Variants in GET1 observed in about 807,000 individuals in gnomAD.
GET1 encodes the protein guided entry of tail-anchored proteins factor 1.
GET1 carries 20 observed loss-of-function variants against 22.6 expected under a neutral mutation model. The observed-to-expected ratio is 0.89, with a 90% CI of 0.62 to 1.29. The LOEUF (loss-of-function observed/expected upper bound fraction) is 1.29. Among genes scored for constraint, GET1 ranks in the 50% most tolerant of loss-of-function variants. The probability of loss-of-function intolerance (pLI) is 0.00; values close to 1 mark genes in which losing one functional copy is unlikely to be tolerated. For synonymous variants in GET1, 92 were observed against 83.8 expected (o/e 1.10, Z -0.53); for missense variants, 209 against 219.9 (o/e 0.95, Z 0.31).
At chr21:39,421,073 C>T (rs1045569603) in intron 1 of GET1, among the ~76,000 whole-genome samples, 2 of 150,802 alleles carry the variant, frequency 1.3e-5, no homozygotes, top group Non-Finnish European at 3.0e-5. Flanking sequence ...CTGTTTTTTA[C>T]ATACTCTAAA....
chr21:39,385,681 C>A (rs1006465834), intron 1 of GET1, among the ~76,000 whole-genome samples: 4 of 152,150 alleles, frequency 2.6e-5, no homozygotes, highest in African/African-American at 4.8e-5. Flanking sequence ...TCCATGCGAA[C>A]GGCACTACTA....
At chr21:39,391,747 T>C in intron 2 of GET1, 22 bp from the exon 3 acceptor site, 2 of 1,612,446 alleles carry the variant, frequency 1.2e-6, no homozygotes, top group Non-Finnish European at 1.7e-6. Flanking sequence ...GACATAATTA[T>C]TTATCCTGTT....
intron 1 of GET1, among the ~76,000 whole-genome samples, chr21:39,426,335 A>T (rs1442824162): frequency 6.6e-6 from 1 of 152,198 alleles, no homozygotes; most frequent in Non-Finnish European, 1.5e-5. Context: ...ATTATAAGGT[A>T]CTTAGAATTC....
At chr21:39,388,951 C>T (rs2038110450) in intron 1 of GET1, among the ~76,000 whole-genome samples, 1 of 152,158 alleles carries the variant, frequency 6.6e-6, no homozygotes, top group Non-Finnish European at 1.5e-5. Context: ...GGGGAGCGTG[C>T]TTCTTTGTTT....
chr21:39,385,514 A>G (rs1320302395), intron 1 of GET1, among the ~76,000 whole-genome samples: 1 of 152,170 alleles, frequency 6.6e-6, no homozygotes, highest in African/African-American at 2.4e-5. Context: ...ACGGGGACGC[A>G]TGGTTGAGAG....
In GET1 at chr21:39,406,101, G is replaced by A. The variant is rs1177787515; in HGVS notation, c.*117G>A. 3.1e-6 allele frequency: 5 copies of A among 1,614,080 alleles called. No homozygotes were observed. The Admixed American group carries it at 8.3e-5, about 27-fold the overall frequency. ...AGCCTGATCCAAAGAGTTCTTCCAT[G>A]AGACTGCTTTTCTTATCTCTGAAAG... On this transcript the variant is annotated 3_prime_UTR_variant, in exon 5 of 5. Transcript: ENST00000415847.
chr21:39,380,774 C>A, intron 1 of GET1: 1 of 1,118,202 alleles, frequency 8.9e-7, no homozygotes. Context: ...CCTAGTGCCC[C>A]GCTGTCAGCC....
intron 1 of GET1, chr21:39,422,870 G>C (rs1569097986): frequency 3.0e-6 from 3 of 1,010,114 alleles, no homozygotes; most frequent in East Asian, 4.8e-5. Flanking sequence ...GCCAAGTGAA[G>C]CAGTTAGTAA....
intron 1 of GET1, among the ~76,000 whole-genome samples, chr21:39,412,926 G>A (rs1254894039): frequency 6.6e-6 from 1 of 152,196 alleles, no homozygotes; most frequent in Admixed American, 6.5e-5. Context: ...TGTGGAGGGA[G>A]CTGCACCTGC....
intron 1 of GET1, among the ~76,000 whole-genome samples, chr21:39,415,934 C>G (rs2041065513): frequency 6.6e-6 from 1 of 152,052 alleles, no homozygotes; most frequent in Non-Finnish European, 1.5e-5. Context: ...AGGTTCGGTT[C>G]GTTGGCATGA....
chr21:39,394,617 G>C (rs976482461), intron 4 of GET1, among the ~76,000 whole-genome samples: 5 of 152,158 alleles, frequency 3.3e-5, no homozygotes, highest in Admixed American at 2.6e-4. Context: ...GGTGTCTGAT[G>C]ATGGCCCATT....
chr21:39,388,122 C>G (rs1485940763), intron 1 of GET1, among the ~76,000 whole-genome samples: 2 of 152,134 alleles, frequency 1.3e-5, no homozygotes, highest in African/African-American at 4.8e-5. Flanking sequence ...CGCCTTTAAT[C>G]CCAGCACTTT....
intron 4 of GET1, chr21:39,405,866 A>C: frequency 6.6e-7 from 1 of 1,520,112 alleles, no homozygotes; most frequent in Non-Finnish European, 8.9e-7. Context: ...AGAATGCATT[A>C]GGATATTGAT....
At chr21:39,418,494 T>A (rs556171998) in intron 1 of GET1, among the ~76,000 whole-genome samples, 173 of 152,274 alleles carry the variant, frequency 1.1e-3, no homozygotes, top group Non-Finnish European at 2.2e-3. Context: ...TGGTTATTTT[T>A]ATTTTATTTT....
At chr21:39,391,112 T>A in intron 2 of GET1, 1 of 314,434 alleles carries the variant, frequency 3.2e-6, no homozygotes, top group Non-Finnish European at 5.8e-6. Context: ...TTTAAAATTT[T>A]AAGCTAACTC....
chr21:39,397,105 TCACGATTTTCTA>T lies in GET1; in HGVS notation c.*170_*181del, dbSNP rs2038706255. 1.1e-5 allele frequency: 8 copies of T among 706,290 alleles called. No homozygotes were observed. The South Asian group carries it at 1.5e-4, about 14-fold the overall frequency. The allele number at this position is 706,290 out of a possible 1,614,324, so 43.8% of individuals were successfully genotyped here. A position where few individuals can be genotyped will look rare whatever the true frequency, so the allele number is the denominator to read the frequency against. ...ACTTTATGAGAGAGTCTTATAAGAA[TCACGATTTTCTA>T]CACCTGTCATTGAGCCAAGAAAGTC... On this transcript the variant is annotated 3_prime_UTR_variant, in exon 5 of 5. Transcript: ENST00000649170.
chr21:39,410,782 AGT>A, downstream of GET1: 1 of 468,156 alleles, frequency 2.1e-6, no homozygotes, highest in Non-Finnish European at 4.4e-6. Context: ...TTTCCTGAAA[AGT>A]GAAGGAAATT....
chr21:39,423,629 G>T (rs1274518149), intron 1 of GET1: 2 of 628,150 alleles, frequency 3.2e-6, no homozygotes, highest in African/African-American at 1.9e-5. Flanking sequence ...ACTAGAAGGG[G>T]ACAAAACTAT....
chr21:39,423,263 T>C (rs767403262), intron 1 of GET1: 2 of 1,610,242 alleles, frequency 1.2e-6, no homozygotes, highest in South Asian at 2.2e-5. Flanking sequence ...CCTATAGCTT[T>C]CAAATGCCTA....
Sources: allele counts gnomAD v4.1 joint callset (sites outside exome capture counted in the v4.1 genomes callset), GRCh38; gene constraint gnomAD v4.1.1; transcripts MANE v1.5; gene names NCBI Gene and HGNC (gene_info 2026-07-23, HGNC 2026-07-21).